Variants in STAU1 observed in about 807,000 individuals in gnomAD.
The protein encoded by STAU1 is double-stranded RNA-binding protein Staufen homolog 1.
Under a neutral mutation model 62.9 loss-of-function variants are expected in STAU1, and 13 were observed. That is an observed-to-expected ratio of 0.21 (90% CI 0.13 to 0.33). STAU1 has a LOEUF of 0.33. STAU1 is among the 10% of genes least tolerant of loss of function. The pLI is 1.00. For missense variants in STAU1, 571 were observed against 712.1 expected, an observed-to-expected ratio of 0.80 and a Z score of 2.25; for synonymous variants, 269 against 265.1, an observed-to-expected ratio of 1.01 and a Z score of -0.14.
At chr20:49,208,196 A>G in the STAU1 span, among the ~76,000 whole-genome samples, 26 of 152,076 alleles carry the variant, frequency 1.7e-4, no homozygotes, top group African/African-American at 6.3e-4. Flanking sequence ...AGTAGCTGGG[A>G]CTACAGGCAT....
the STAU1 span, among the ~76,000 whole-genome samples, chr20:49,204,859 C>T: frequency 0.1 from 15,398 of 150,764 alleles, 1,076 homozygotes; most frequent in African/African-American, 0.2. Flanking sequence ...CATTTTGGCC[C>T]GGCTGGTCTC....
chr20:49,142,851 G>A (rs2093039329), intron 5 of STAU1, among the ~76,000 whole-genome samples: 1 of 152,132 alleles, frequency 6.6e-6, no homozygotes, highest in South Asian at 2.1e-4. Flanking sequence ...GCCCTCAGCT[G>A]CAGTGCAATG....
chr20:49,134,582 G>A lies in STAU1; in HGVS notation c.609+1251C>T, dbSNP rs146977735. The A allele has an allele frequency of 3.7e-4, 487 of 1,298,858 alleles. 2 individuals carry two copies. The African/African-American group carries it at 6.3e-3, about 17-fold the overall frequency. The allele number at this position is 1,298,858 out of a possible 1,614,324, so 80.5% of individuals were successfully genotyped here. On this transcript the variant is annotated intron_variant, in intron 6 of 13. Coordinates refer to ENST00000371856, the MANE Select transcript of STAU1 (RefSeq NM_017453.4). ...TCAATTCAAAGGACCTGCCCCCAGA[G>A]AGACAAAAGATACAGATATTGTGGA...
At chr20:49,130,987 C>T (rs1226864925) in intron 6 of STAU1, among the ~76,000 whole-genome samples, 1 of 152,016 alleles carries the variant, frequency 6.6e-6, no homozygotes, top group Non-Finnish European at 1.5e-5. Context: ...TGTGAAGGCC[C>T]AGCCTTCAAA....
In STAU1 at chr20:49,137,700, G is replaced by A. The variant is rs370129651; in HGVS notation, c.511-1769C>T. Among the ~76,000 whole-genome samples the A allele has an allele frequency of 1.3e-4, 20 of 150,836 alleles. 1 individual carries two copies. The highest frequency in any genetic ancestry group is 8.4e-4 in the South Asian group (4 of 4,776). ...TTTTTTTTGAGATGGAGTTTTGCTC[G>A]TGTCGCCCAGGCTGGAGTCCAATGG... is the stretch of plus-strand genomic sequence containing the variant. On this transcript the variant is annotated intron_variant, in intron 5 of 13. Coordinates refer to ENST00000371856, the MANE Select transcript of STAU1 (RefSeq NM_017453.4).
chr20:49,155,828 A>T (rs945913906), intron 3 of STAU1, among the ~76,000 whole-genome samples: 1 of 152,240 alleles, frequency 6.6e-6, no homozygotes, highest in Non-Finnish European at 1.5e-5. Context: ...AATAAACATG[A>T]AGAAAGTATA....
At chr20:49,134,433 G>GAAAAAAAAAAAAAAAAAAAAAA in intron 6 of STAU1, 1 of 262,454 alleles carries the variant, frequency 3.8e-6, no homozygotes, top group East Asian at 6.8e-5. Flanking sequence ...CTCATCTCAG[G>GAAAAAAAAAAAAAAAAAAAAAA]GAAAAAAAAA....
chr20:49,201,044 C>CAAAAAAAAAAAAAAAAAAAAAAA, the STAU1 span, among the ~76,000 whole-genome samples: 10 of 31,508 alleles, frequency 3.2e-4, no homozygotes, highest in Non-Finnish European at 5.1e-4. Context: ...GACCCACTCT[C>CAAAAAAAAAAAAAAAAAAAAAAA]AAAAAAAAAA....
At chr20:49,195,898 C>CA in the STAU1 span, among the ~76,000 whole-genome samples, 639 of 33,678 alleles carry the variant, frequency 0.019, 17 homozygotes, top group East Asian at 0.11. Context: ...AACTTCCTCT[C>CA]AAAAAAAAAA....
chr20:49,134,703 T>C (rs888467264), intron 6 of STAU1: 1 of 1,083,840 alleles, frequency 9.2e-7, no homozygotes, highest in African/African-American at 1.5e-5. Flanking sequence ...ACTCTCTACA[T>C]TTCTGAATGT....
At chr20:49,201,882 T>C in the STAU1 span, among the ~76,000 whole-genome samples, 1 of 151,962 alleles carries the variant, frequency 6.6e-6, no homozygotes, top group Non-Finnish European at 1.5e-5. Context: ...ATGTTTATAT[T>C]AGAAAATAAG....
intron 1 of STAU1, among the ~76,000 whole-genome samples, chr20:49,176,269 C>T (rs558097286): frequency 6.6e-6 from 1 of 152,228 alleles, no homozygotes; most frequent in African/African-American, 2.4e-5. Flanking sequence ...GCATTGGGTA[C>T]ATAAATAGTG....
chr20:49,165,170 G>A (rs376683796), intron 3 of STAU1, among the ~76,000 whole-genome samples: 4 of 151,964 alleles, frequency 2.6e-5, no homozygotes, highest in Admixed American at 6.6e-5. Context: ...TCAGCCTCCC[G>A]AATAGCTGGG....
At chr20:49,129,340 C>T (rs886725225) in intron 6 of STAU1, among the ~76,000 whole-genome samples, 4 of 115,182 alleles carry the variant, frequency 3.5e-5, no homozygotes, top group East Asian at 2.7e-4. Context: ...CAGGGTGGAA[C>T]GCAGTGGCGC....
At chr20:49,196,139 GAA>G in the STAU1 span, among the ~76,000 whole-genome samples, 1 of 134,340 alleles carries the variant, frequency 7.4e-6, no homozygotes, top group Non-Finnish European at 1.6e-5. Context: ...AAAAAAGAAA[GAA>G]AGAGAAAAAA....
intron 3 of STAU1, among the ~76,000 whole-genome samples, chr20:49,156,366 T>C (rs752433525): frequency 1.3e-5 from 2 of 152,204 alleles, no homozygotes; most frequent in Non-Finnish European, 2.9e-5. Context: ...TACAATGAGG[T>C]TAAGGATTCC....
chr20:49,202,730 G>GA, the STAU1 span, among the ~76,000 whole-genome samples: 184 of 150,788 alleles, frequency 1.2e-3, no homozygotes, highest in African/African-American at 4.2e-3. Context: ...TCTACAAAAA[G>GA]AAAAAAAAGA....
intron 5 of STAU1, among the ~76,000 whole-genome samples, chr20:49,137,363 A>G (rs2146057485): frequency 6.6e-6 from 1 of 152,316 alleles, no homozygotes; most frequent in Non-Finnish European, 1.5e-5. Context: ...ATGAGATTAA[A>G]GAGGAGCAAG....
chr20:49,176,029 C>T (rs2093656781), intron 1 of STAU1, among the ~76,000 whole-genome samples: 1 of 150,258 alleles, frequency 6.7e-6, no homozygotes, highest in Non-Finnish European at 1.5e-5. Flanking sequence ...CTCCTGACCT[C>T]GTGATCCGCC....
Sources: allele counts gnomAD v4.1 joint callset (sites outside exome capture counted in the v4.1 genomes callset), GRCh38; gene constraint gnomAD v4.1.1; transcripts MANE v1.5; gene names NCBI Gene and HGNC (gene_info 2026-07-23, HGNC 2026-07-21).